Variants in ADAMTSL1 observed in about 807,000 individuals in gnomAD.
ADAMTSL1 encodes the protein ADAMTS-like protein 1.
ADAMTSL1 carries 126 observed loss-of-function variants against 201.8 expected under a neutral mutation model. The observed-to-expected ratio is 0.62, with a 90% CI of 0.54 to 0.72. The LOEUF (loss-of-function observed/expected upper bound fraction) is 0.72, where lower values mean the gene tolerates loss of function less well. ADAMTSL1 is among the 30% of genes least tolerant of loss of function. ADAMTSL1 has a pLI of 0.00. For synonymous variants in ADAMTSL1, 1,121 were observed against 903.4 expected, an observed-to-expected ratio of 1.24 and a Z score of -4.32; for missense variants, 2,679 against 2,277.8, an observed-to-expected ratio of 1.18 and a Z score of -3.59.
chr9:18,376,500 T>C (rs1057101866), intron 2 of ADAMTSL1, among the ~76,000 whole-genome samples: 1 of 151,928 alleles, frequency 6.6e-6, no homozygotes, highest in African/African-American at 2.4e-5. Context: ...AGAAAGCAGA[T>C]GTAATAGAAA....
chr9:18,680,625 T>A, intron 11 of ADAMTSL1, 109 bp downstream of exon 11: 2 of 1,214,628 alleles, frequency 1.6e-6, no homozygotes, highest in Non-Finnish European at 2.4e-6. Context: ...TCTTGAGGTG[T>A]CTAGAAGCCT....
chr9:17,908,834 C>T (rs1455269097), intron 1 of ADAMTSL1, among the ~76,000 whole-genome samples: 2 of 152,070 alleles, frequency 1.3e-5, no homozygotes, highest in African/African-American at 4.8e-5. Flanking sequence ...GGGTATATAC[C>T]CAGTAATGGG....
rs1241602426 is a variant in ADAMTSL1 at position 18,213,412 on chromosome 9, G to A, written c.207+49431G>A. On this transcript the variant is annotated intron_variant, in intron 2 of 29. Transcript: ENST00000680146. ...TTCCTGGGTGAGAAGACAGTCCTAAGTTGCAAACTCCCAGCGCCCTCTAGT... is the reference window on the plus strand; with the variant it reads ...TTCCTGGGTGAGAAGACAGTCCTAAATTGCAAACTCCCAGCGCCCTCTAGT... 3.3e-5 allele frequency among the ~76,000 whole-genome samples: 5 copies of A among 152,290 alleles called. No homozygotes were observed. The South Asian group carries it at 6.2e-4, about 19-fold the overall frequency.
At chr9:18,662,758 A>C (rs1564130021) in intron 9 of ADAMTSL1, among the ~76,000 whole-genome samples, 1 of 152,218 alleles carries the variant, frequency 6.6e-6, no homozygotes, top group Non-Finnish European at 1.5e-5. Flanking sequence ...CTGATGAATG[A>C]ATTATCTCAA....
intron 2 of ADAMTSL1, among the ~76,000 whole-genome samples, chr9:18,273,596 C>T (rs1832469900): frequency 6.6e-6 from 1 of 152,210 alleles, no homozygotes; most frequent in Non-Finnish European, 1.5e-5. Flanking sequence ...AATATATTCT[C>T]AACAAATTTA....
At chr9:18,338,161 T>C (rs1008472178) in intron 2 of ADAMTSL1, among the ~76,000 whole-genome samples, 2 of 152,170 alleles carry the variant, frequency 1.3e-5, no homozygotes, top group African/African-American at 4.8e-5. Context: ...TTGCTCTTCC[T>C]GGGTTCCATA....
In ADAMTSL1 at chr9:18,777,627, C is replaced by T. The variant is rs764810852; in HGVS notation, c.3398C>T (p.Ser1133Leu). The T allele has an allele frequency of 1.9e-6, 3 of 1,613,658 alleles. No homozygotes were observed. Among genetic ancestry groups the T allele is most frequent in the East Asian group, 2.2e-5 (1 of 44,862 alleles). The change falls in exon 19 of 29, where the codon TCG (serine) becomes TTG (leucine). Residue 1133 changes from serine to leucine, a missense_variant. By Grantham distance (145) the Ser-to-Leu change is moderately radical (BLOSUM62 -2). Coordinates refer to ENST00000380548, the MANE Select transcript of ADAMTSL1 (RefSeq NM_001040272.6). ...SERRTSPVTL[S>L]PHKHVSGFSS... Reference sequence around the variant, plus strand: ...CGCAGGACTTCCCCAGTGACTCTCTCGCCTCATAAACACGTGTCTGGCTTC... The same window carrying T: ...CGCAGGACTTCCCCAGTGACTCTCTTGCCTCATAAACACGTGTCTGGCTTC...
chr9:18,089,245 A>T (rs537213068), intron 1 of ADAMTSL1, among the ~76,000 whole-genome samples: 1 of 152,292 alleles, frequency 6.6e-6, no homozygotes, highest in South Asian at 2.1e-4. Context: ...GACTTGATAA[A>T]GAAAAGTGGC....
chr9:18,878,414 T>C (rs544766749), intron 23 of ADAMTSL1, among the ~76,000 whole-genome samples: 89 of 152,350 alleles, frequency 5.8e-4, no homozygotes, highest in Admixed American at 9.1e-4. Context: ...AGGACCCCTG[T>C]AAGACAAAGT....
chr9:18,497,730 G>T (rs1822604492), intron 1 of ADAMTSL1, among the ~76,000 whole-genome samples: 2 of 152,116 alleles, frequency 1.3e-5, no homozygotes, highest in South Asian at 4.1e-4. Context: ...ACTAACCTTT[G>T]TTCATATCAG....
chr9:18,881,006 A>C (rs1487801230), intron 23 of ADAMTSL1, among the ~76,000 whole-genome samples: 2 of 152,254 alleles, frequency 1.3e-5, no homozygotes, highest in South Asian at 2.1e-4. Context: ...CTAGCTTCCA[A>C]CTTTTCCTCT....
intron 16 of ADAMTSL1, among the ~76,000 whole-genome samples, chr9:18,766,476 A>G (rs1373333944): frequency 6.6e-6 from 1 of 152,174 alleles, no homozygotes; most frequent in Non-Finnish European, 1.5e-5. Context: ...TCTTTTTCAA[A>G]TGATCACATT....
At chr9:18,494,758 T>A (rs1406627703) in intron 1 of ADAMTSL1, among the ~76,000 whole-genome samples, 1 of 152,222 alleles carries the variant, frequency 6.6e-6, no homozygotes, top group Non-Finnish European at 1.5e-5. Flanking sequence ...AAATCCTCGC[T>A]CCAGAAGTGT....
intron 2 of ADAMTSL1, among the ~76,000 whole-genome samples, chr9:18,339,010 A>C (rs1267057402): frequency 6.6e-6 from 1 of 152,168 alleles, no homozygotes; most frequent in Non-Finnish European, 1.5e-5. Flanking sequence ...CCTTTTAAAA[A>C]TCCAGTCTAT....
At chr9:18,063,564 T>A (rs1242980158) in intron 1 of ADAMTSL1, among the ~76,000 whole-genome samples, 2 of 152,208 alleles carry the variant, frequency 1.3e-5, no homozygotes, top group East Asian at 3.8e-4. Context: ...AATTCAGTGT[T>A]CTTTTCTGTT....
chr9:18,776,299 T>C (rs934672252), intron 18 of ADAMTSL1, among the ~76,000 whole-genome samples: 2 of 152,206 alleles, frequency 1.3e-5, no homozygotes, highest in Admixed American at 6.5e-5. Flanking sequence ...CCATGTCCTT[T>C]AGGGCTCTGG....
At chr9:18,423,690 A>G (rs1819066221) in intron 2 of ADAMTSL1, among the ~76,000 whole-genome samples, 1 of 152,218 alleles carries the variant, frequency 6.6e-6, no homozygotes, top group Non-Finnish European at 1.5e-5. Context: ...TTTGGAGGTC[A>G]GAGAAAAAGA....
intron 23 of ADAMTSL1, among the ~76,000 whole-genome samples, chr9:18,872,658 GC>G (rs1286379705): frequency 6.6e-6 from 1 of 152,154 alleles, no homozygotes; most frequent in Non-Finnish European, 1.5e-5. Flanking sequence ...TGCTGCAAAT[GC>G]CATTATTTCA....
At chr9:18,775,692 A>C in intron 17 of ADAMTSL1, 51 bp from the exon 18 acceptor site, 1 of 1,586,408 alleles carries the variant, frequency 6.3e-7, no homozygotes, top group Non-Finnish European at 8.6e-7. Context: ...TTAAAAAATT[A>C]GCTTCTAGTT....
Sources: allele counts gnomAD v4.1 joint callset (sites outside exome capture counted in the v4.1 genomes callset), GRCh38; gene constraint gnomAD v4.1.1; transcripts MANE v1.5; gene names NCBI Gene and HGNC (gene_info 2026-07-23, HGNC 2026-07-21).